CNBD2: variants seen among roughly 807,000 people sequenced by gnomAD.
CNBD2 encodes cyclic nucleotide binding domain containing 2.
In CNBD2, 64 loss-of-function variants were observed where a neutral mutation model predicts 63.7. The observed-to-expected ratio is 1.00, with a 90% CI of 0.82 to 1.24. The LOEUF (loss-of-function observed/expected upper bound fraction) is 1.24. Among genes scored for constraint, CNBD2 ranks in the 50% most tolerant of loss-of-function variants. CNBD2 has a pLI of 0.00. For missense variants in CNBD2, 691 were observed against 713.5 expected, an observed-to-expected ratio of 0.97 and a Z score of 0.36; for synonymous variants, 229 against 255.4, an observed-to-expected ratio of 0.90 and a Z score of 0.99.
chr20:35,972,557 G>T lies in CNBD2; in HGVS notation c.52-72G>T, dbSNP rs1023770972. On this transcript the variant is annotated intron_variant, in intron 1 of 11. Transcript: ENST00000373973. ...ATCCTGGTAAATTTCACCTTGTTCA[G>T]CACCATCCAGCCTGCTGTTGACTGT... The T allele has an allele frequency of 4.1e-6, 6 of 1,448,040 alleles. No homozygotes were observed. In the African/African-American group the frequency reaches 8.4e-5, roughly 20 times the overall value. The allele number at this position is 1,448,040 out of a possible 1,614,324, so 89.7% of individuals were successfully genotyped here. A position where few individuals can be genotyped will look rare whatever the true frequency, so the allele number is the denominator to read the frequency against.
intron 8 of CNBD2, among the ~76,000 whole-genome samples, chr20:36,002,837 A>G (rs1167047968): frequency 1.3e-5 from 2 of 152,028 alleles, no homozygotes; most frequent in African/African-American, 2.4e-5. Flanking sequence ...CAAAAAAATT[A>G]TTTGTCTCTC....
chr20:36,014,390 C>CAAGTGATCAT (rs2057106945), intron 10 of CNBD2, among the ~76,000 whole-genome samples: 1 of 149,030 alleles, frequency 6.7e-6, no homozygotes, highest in African/African-American at 2.5e-5. Context: ...AGTGCAGTGG[C>CAAGTGATCAT]GCCATCTCGG....
At position 36,002,412 on chromosome 20, in the gene CNBD2, C is replaced by T. The variant is rs138345325; in HGVS notation, c.971-5885C>T. Among the ~76,000 whole-genome samples the T allele has an allele frequency of 5.4e-3, 814 of 151,904 alleles. 4 individuals carry two copies. The highest frequency in any genetic ancestry group is 0.019 in the African/African-American group (784 of 41,442). The stretch of plus-strand genomic sequence containing the variant: ...GAAAGAGGGAGAGGGAGAGGGAGAC[C>T]GTGGGGAGAGGGAGACGGAGAAGGA... On this transcript the variant is annotated intron_variant, in intron 8 of 11. Transcript: ENST00000373973.
At position 35,984,673 on chromosome 20, in the gene CNBD2, G is replaced by C; in HGVS notation, c.611G>C (p.Cys204Ser). 1 of 1,614,234 alleles carries C rather than the reference G, an allele frequency of 6.2e-7. No individual in the cohort carries two copies. Among genetic ancestry groups the C allele is most frequent in the Non-Finnish European group, 8.5e-7 (1 of 1,180,040 alleles). Reference sequence around the variant, plus strand: ...TCAGTGAGGAGGTCCACCATCGTCTGTATGGAAGAAACGGAGTTCCTGGTT... The same window carrying C: ...TCAGTGAGGAGGTCCACCATCGTCTCTATGGAAGAAACGGAGTTCCTGGTT... The part of the protein sequence containing the change: ...HASVRRSTIV[C>S]MEETEFLVVD... The change falls in exon 6 of 12, where the codon TGT (cysteine) becomes TCT (serine). Residue 204 changes from cysteine to serine, a missense_variant. Transcript: ENST00000373973.
intron 8 of CNBD2, among the ~76,000 whole-genome samples, chr20:35,999,886 C>T (rs547385924): frequency 1.0e-3 from 159 of 152,154 alleles, no homozygotes; most frequent in African/African-American, 3.8e-3. Flanking sequence ...ACTATGTTGG[C>T]CAGGCTGGTC....
At chr20:35,982,964 C>A (rs532287329) in intron 4 of CNBD2, among the ~76,000 whole-genome samples, 1 of 151,750 alleles carries the variant, frequency 6.6e-6, no homozygotes, top group South Asian at 2.1e-4. Flanking sequence ...AACAAGACTC[C>A]GACTCTCCAA....
chr20:35,968,982 C>T (rs529822329), intron 1 of CNBD2, among the ~76,000 whole-genome samples, 169 bp downstream of exon 1: 51 of 152,278 alleles, frequency 3.3e-4, no homozygotes, highest in African/African-American at 1.2e-3. Flanking sequence ...TGTAGCCTAC[C>T]AGCCCCCCAC....
At chr20:35,963,963 A>AT, upstream of CNBD2, among the ~76,000 whole-genome samples, 1 of 152,216 alleles carries the variant, frequency 6.6e-6, no homozygotes. Context: ...TACCTCAACT[A>AT]AAGACAAGCA....
intron 2 of CNBD2, among the ~76,000 whole-genome samples, chr20:35,961,898 C>A (rs578086540): frequency 2.6e-5 from 4 of 152,286 alleles, no homozygotes; most frequent in South Asian, 2.1e-4. Flanking sequence ...ACCCCACTCC[C>A]CTACTTCTCC....
intron 7 of CNBD2, among the ~76,000 whole-genome samples, chr20:35,993,004 C>G (rs1458123774): frequency 1.3e-5 from 2 of 152,112 alleles, no homozygotes; most frequent in Non-Finnish European, 2.9e-5. Flanking sequence ...TTAATGCACA[C>G]TTTCAACTCA....
chr20:35,994,457 A>C (rs1353811834), intron 7 of CNBD2, among the ~76,000 whole-genome samples: 1 of 150,888 alleles, frequency 6.6e-6, no homozygotes, highest in African/African-American at 2.4e-5. Flanking sequence ...ATCTTCCCAC[A>C]TCAGCCTCCC....
At chr20:35,980,392 G>A in intron 3 of CNBD2, 67 bp from the exon 4 acceptor site, 3 of 1,448,014 alleles carry the variant, frequency 2.1e-6, no homozygotes, top group East Asian at 4.5e-5. Context: ...GGACTGTGGG[G>A]TGTTGCCCGC....
intron 1 of CNBD2, among the ~76,000 whole-genome samples, chr20:35,970,949 T>A (rs1277194073): frequency 6.6e-6 from 1 of 150,462 alleles, no homozygotes; most frequent in Non-Finnish European, 1.5e-5. Context: ...TTTTTCTTTT[T>A]CTTTTTTTTT....
chr20:36,002,265 T>C (rs1601072198), intron 8 of CNBD2, among the ~76,000 whole-genome samples: 2 of 151,984 alleles, frequency 1.3e-5, no homozygotes, highest in South Asian at 4.2e-4. Flanking sequence ...GGCGTGGCGG[T>C]GCGCGCCTGC....
At chr20:36,026,804 CAT>C (rs966515828) in intron 11 of CNBD2, among the ~76,000 whole-genome samples, 12 of 152,218 alleles carry the variant, frequency 7.9e-5, no homozygotes, top group Non-Finnish European at 1.6e-4. Flanking sequence ...TCTGCACACT[CAT>C]AATATTCTCT....
intron 7 of CNBD2, among the ~76,000 whole-genome samples, chr20:35,994,345 G>A (rs995676441): frequency 5.9e-5 from 9 of 151,628 alleles, no homozygotes; most frequent in African/African-American, 9.7e-5. Flanking sequence ...GATTACAGGC[G>A]TGAGCCACAA....
At chr20:35,967,388 T>C (rs913973038), upstream of CNBD2, among the ~76,000 whole-genome samples, 17 of 151,510 alleles carry the variant, frequency 1.1e-4, no homozygotes, top group African/African-American at 3.9e-4. Flanking sequence ...TAGCTGGGAT[T>C]ATAGGTGCCC....
intron 10 of CNBD2, among the ~76,000 whole-genome samples, chr20:36,016,666 G>C (rs1408857104): frequency 6.6e-6 from 1 of 151,752 alleles, no homozygotes; most frequent in Non-Finnish European, 1.5e-5. Context: ...GCACACACCT[G>C]TAACCCCAGG....
chr20:35,972,489 T>G (rs963574070), intron 1 of CNBD2, 140 bp from the exon 2 acceptor site: 1 of 756,638 alleles, frequency 1.3e-6, no homozygotes, highest in Non-Finnish European at 2.1e-6. Flanking sequence ...TTCCTGAAAA[T>G]GTAACCATCA....
Sources: allele counts gnomAD v4.1 joint callset (sites outside exome capture counted in the v4.1 genomes callset), GRCh38; gene constraint gnomAD v4.1.1; transcripts MANE v1.5; gene names NCBI Gene and HGNC (gene_info 2026-07-23, HGNC 2026-07-21).